MACROD2: variants seen among roughly 807,000 people sequenced by gnomAD.
MACROD2 encodes ADP-ribose glycohydrolase MACROD2.
A neutral mutation model predicts 70.4 loss-of-function variants in MACROD2; 36 were observed. The ratio of observed to expected loss-of-function variants is 0.51; its 90% CI spans 0.39 to 0.68. The LOEUF is 0.68. Among genes scored for constraint, MACROD2 ranks in the 30% least tolerant of loss-of-function variants. The pLI is 0.00. For missense variants in MACROD2, 496 were observed against 538.4 expected (o/e 0.92, Z 0.78); for synonymous variants, 172 against 178.8 (o/e 0.96, Z 0.30).
At chr20:14,785,642 C>A (rs1382497710) in intron 5 of MACROD2, among the ~76,000 whole-genome samples, 3 of 152,160 alleles carry the variant, frequency 2.0e-5, no homozygotes, top group Admixed American at 6.5e-5. Context: ...AGCCTAAACC[C>A]CAAATTACTG....
chr20:15,376,348 C>G (rs979595838), intron 6 of MACROD2, among the ~76,000 whole-genome samples: 1 of 152,130 alleles, frequency 6.6e-6, no homozygotes, highest in Non-Finnish European at 1.5e-5. Flanking sequence ...CCTTTGATTG[C>G]TCAGCAGGTG....
intron 8 of MACROD2, among the ~76,000 whole-genome samples, chr20:15,735,088 G>T (rs1242841934): frequency 6.6e-6 from 1 of 152,074 alleles, no homozygotes; most frequent in Non-Finnish European, 1.5e-5. Context: ...AGCCTCCCAA[G>T]TAGCTGCGAT....
At chr20:14,426,692 A>G (rs537741902) in intron 3 of MACROD2, among the ~76,000 whole-genome samples, 1 of 152,150 alleles carries the variant, frequency 6.6e-6, no homozygotes, top group Non-Finnish European at 1.5e-5. Flanking sequence ...ACTTAGGCAG[A>G]TCAGATATCC....
intron 5 of MACROD2, among the ~76,000 whole-genome samples, chr20:15,032,462 C>T (rs1024391851): frequency 6.6e-6 from 1 of 152,178 alleles, no homozygotes; most frequent in Non-Finnish European, 1.5e-5. Context: ...AGGCCGATTG[C>T]CCAACAGAGT....
At chr20:14,146,436 TCTC>T (rs1276619191) in intron 3 of MACROD2, among the ~76,000 whole-genome samples, 1 of 152,206 alleles carries the variant, frequency 6.6e-6, no homozygotes, top group African/African-American at 2.4e-5. Flanking sequence ...TTCTGCCCCT[TCTC>T]CACTGGTTGC....
Position 14,222,813 on chromosome 20 carries a change from GAAAAAAAAAAA to G in MACROD2, c.271+137104_271+137114del, listed in dbSNP as rs199573606. 7.2e-4 allele frequency among the ~76,000 whole-genome samples: 96 copies of G among 132,948 alleles called. 2 individuals are homozygous for G. The South Asian group carries it at 0.01, about 14-fold the overall frequency. 87.2% of individuals were successfully genotyped at this position (132,948 alleles called of 152,430 possible). ...TTCACAGTTCAACCTTTGGATTTCT[GAAAAAAAAAAA>G]AAAAAAAAAAAAAAAAAAGAATTGA... On this transcript the variant is annotated intron_variant, in intron 3 of 17. Coordinates refer to ENST00000684519, the MANE Select transcript of MACROD2 (RefSeq NM_001351661.2).
intron 3 of MACROD2, among the ~76,000 whole-genome samples, chr20:14,384,831 T>A (rs2083454638): frequency 6.6e-6 from 1 of 152,166 alleles, no homozygotes; most frequent in Admixed American, 6.5e-5. Context: ...TTTCAGAGTT[T>A]CCATCTGATA....
chr20:14,905,160 A>C (rs1568865730), intron 5 of MACROD2: 1 of 152,128 alleles, frequency 6.6e-6, no homozygotes, highest in Non-Finnish European at 1.5e-5. Context: ...TATGGCTTGG[A>C]AATAAGGAAA....
intron 5 of MACROD2, among the ~76,000 whole-genome samples, chr20:15,182,882 A>G (rs551042714): frequency 6.6e-6 from 1 of 152,330 alleles, no homozygotes; most frequent in Admixed American, 6.5e-5. Context: ...GTCTATAAAC[A>G]TGTACAGACA....
intron 5 of MACROD2, among the ~76,000 whole-genome samples, chr20:14,729,612 C>T (rs940608270): frequency 1.8e-4 from 28 of 152,066 alleles, no homozygotes; most frequent in African/African-American, 5.5e-4. Flanking sequence ...AATGGATTGG[C>T]GGCACACATT....
chr20:15,015,870 G>A (rs1600950018), intron 5 of MACROD2, among the ~76,000 whole-genome samples: 1 of 152,282 alleles, frequency 6.6e-6, no homozygotes, highest in Non-Finnish European at 1.5e-5. Flanking sequence ...TTCCTCTTGG[G>A]TGTCCTTGAA....
At chr20:14,465,688 T>G (rs1348053664) in intron 3 of MACROD2, among the ~76,000 whole-genome samples, 1 of 152,150 alleles carries the variant, frequency 6.6e-6, no homozygotes, top group Non-Finnish European at 1.5e-5. Flanking sequence ...TTCCTTTCCA[T>G]GTTTAGTGCT....
At chr20:14,213,361 CAAAAAAAA>C (rs60009822) in intron 3 of MACROD2, among the ~76,000 whole-genome samples, 12 of 30,260 alleles carry the variant, frequency 4.0e-4, no homozygotes, top group Admixed American at 1.4e-3. Flanking sequence ...CTTCTAGTGG[CAAAAAAAA>C]AAAAAAAAAA....
intron 15 of MACROD2, among the ~76,000 whole-genome samples, chr20:16,040,916 G>A (rs1214285789): frequency 2.0e-5 from 3 of 151,890 alleles, no homozygotes; most frequent in Non-Finnish European, 4.4e-5. Flanking sequence ...AGGTTGTTCT[G>A]AGGAAATCAA....
At chr20:14,458,315 T>C (rs1019687818) in intron 3 of MACROD2, among the ~76,000 whole-genome samples, 4 of 152,184 alleles carry the variant, frequency 2.6e-5, no homozygotes, top group African/African-American at 4.8e-5. Context: ...GATGATATAA[T>C]GTTAATTTTA....
intron 2 of MACROD2, among the ~76,000 whole-genome samples, chr20:14,071,258 T>TTTTG (rs1269371962): frequency 1.4e-4 from 13 of 95,426 alleles, no homozygotes; most frequent in Non-Finnish European, 2.7e-4. Context: ...TTGTGTTTTT[T>TTTTG]TTTTTTTTTT....
intron 4 of MACROD2, among the ~76,000 whole-genome samples, chr20:14,527,212 C>A (rs529038279): frequency 6.6e-6 from 1 of 152,148 alleles, no homozygotes; most frequent in African/African-American, 2.4e-5. Flanking sequence ...GTGTGTTCTC[C>A]GCTGATGTGC....
At chr20:15,791,573 A>G (rs1600897439) in intron 8 of MACROD2, among the ~76,000 whole-genome samples, 1 of 152,040 alleles carries the variant, frequency 6.6e-6, no homozygotes. Flanking sequence ...ATTCATTACA[A>G]GTATCACAAA....
intron 8 of MACROD2, among the ~76,000 whole-genome samples, chr20:15,577,613 G>A (rs1051098547): frequency 6.0e-5 from 9 of 151,254 alleles, no homozygotes; most frequent in South Asian, 4.2e-4. Flanking sequence ...TTTCTTCTCC[G>A]TGCGTGCGTA....
Sources: allele counts gnomAD v4.1 joint callset (sites outside exome capture counted in the v4.1 genomes callset), GRCh38; gene constraint gnomAD v4.1.1; transcripts MANE v1.5; gene names NCBI Gene and HGNC (gene_info 2026-07-23, HGNC 2026-07-21).